TTC7B: variants seen among roughly 807,000 people sequenced by gnomAD.
TTC7B encodes the protein tetratricopeptide repeat protein 7B.
In TTC7B, 28 loss-of-function variants were observed where a neutral mutation model predicts 106.8. That is an observed-to-expected ratio of 0.26 (90% CI 0.19 to 0.36). The LOEUF (loss-of-function observed/expected upper bound fraction) is 0.36, where lower values mean the gene tolerates loss of function less well. Among genes scored for constraint, TTC7B ranks in the 10% least tolerant of loss-of-function variants. The pLI is 1.00. For missense variants in TTC7B, 862 were observed against 1,076.4 expected (o/e 0.80, Z 2.79); for synonymous variants, 405 against 430.6 (o/e 0.94, Z 0.74).
intron 5 of TTC7B, among the ~76,000 whole-genome samples, chr14:90,706,596 G>A (rs1412906929): frequency 6.6e-6 from 1 of 152,154 alleles, no homozygotes; most frequent in Non-Finnish European, 1.5e-5. Flanking sequence ...ATGAACTTAA[G>A]CTCATTTGAT....
intron 14 of TTC7B, 108 bp downstream of exon 14, chr14:90,646,843 G>T: frequency 2.9e-6 from 3 of 1,047,434 alleles, no homozygotes; most frequent in Non-Finnish European, 4.5e-6. Context: ...CTCCAGGTCA[G>T]CCTCAATGGA....
At chr14:90,721,269 G>A (rs75070410) in intron 5 of TTC7B, among the ~76,000 whole-genome samples, 7,069 of 152,108 alleles carry the variant, frequency 0.046, 202 homozygotes, top group Non-Finnish European at 0.06. Flanking sequence ...GCTTTCTGAC[G>A]GCATCAGATC....
In TTC7B at chr14:90,807,933, G is replaced by C. The variant is rs879922667; in HGVS notation, c.121+8242C>G. ...TTTGCAATCTGGATTCTAACAAGCT[G>C]TCTAGAAGTGATTCTTTGATCCAAT... On this transcript the variant is annotated intron_variant, in intron 1 of 19. Coordinates refer to ENST00000328459, the MANE Select transcript of TTC7B (RefSeq NM_001010854.2). The surrounding 1 kb of genome is among the most constrained non-coding windows in gnomAD (Gnocchi z 4.1). Among the ~76,000 whole-genome samples the C allele has an allele frequency of 6.6e-6, 1 of 152,212 alleles. No individual in the cohort carries two copies. Among genetic ancestry groups the C allele is most frequent in the Non-Finnish European group, 1.5e-5 (1 of 68,042 alleles).
At chr14:90,798,221 A>G (rs1352411560) in intron 1 of TTC7B, among the ~76,000 whole-genome samples, 1 of 152,202 alleles carries the variant, frequency 6.6e-6, no homozygotes, top group Non-Finnish European at 1.5e-5. Context: ...TAAGCGTAAG[A>G]GAGCCCAGCC....
At position 90,774,438 on chromosome 14, in the gene TTC7B, G is replaced by A. The variant is rs139391800; in HGVS notation, c.445+6300C>T. On this transcript the variant is annotated intron_variant, in intron 3 of 19. Coordinates refer to ENST00000328459, the MANE Select transcript of TTC7B (RefSeq NM_001010854.2). ...TTGGGCGGTCAGCGCTGCATACACC[G>A]TTTACCCCTCTGCATATGCCTAAGG... Among the ~76,000 whole-genome samples, 11 of 152,302 alleles carry A rather than the reference G, an allele frequency of 7.2e-5. No individual in the cohort carries two copies. The East Asian group carries it at 1.4e-3, about 19-fold the overall frequency.
chr14:90,554,713 G>C (rs1039338104), intron 19 of TTC7B, among the ~76,000 whole-genome samples: 1 of 152,246 alleles, frequency 6.6e-6, no homozygotes, highest in Non-Finnish European at 1.5e-5. Context: ...TTATTGGCAG[G>C]AGGATGAGGG....
At chr14:90,615,929 G>C (rs1417594264) in intron 16 of TTC7B, among the ~76,000 whole-genome samples, 1 of 152,164 alleles carries the variant, frequency 6.6e-6, no homozygotes, top group East Asian at 1.9e-4. Flanking sequence ...ACACTGCCTG[G>C]AGCCAGGGTC....
At chr14:90,812,654 T>C (rs1049733280) in intron 1 of TTC7B, among the ~76,000 whole-genome samples, 3 of 148,260 alleles carry the variant, frequency 2.0e-5, no homozygotes, top group Non-Finnish European at 3.0e-5. Context: ...TAGGTGACCA[T>C]TCTCTCAGTG....
intron 5 of TTC7B, among the ~76,000 whole-genome samples, chr14:90,723,535 C>G (rs1008652659): frequency 6.6e-6 from 1 of 152,168 alleles, no homozygotes; most frequent in African/African-American, 2.4e-5. Context: ...CTTGAACACT[C>G]CAAGCTCTTT....
chr14:90,549,684 A>G (rs1335006776), intron 19 of TTC7B, among the ~76,000 whole-genome samples: 2 of 152,096 alleles, frequency 1.3e-5, no homozygotes, highest in South Asian at 2.1e-4. Context: ...TCCTAGGCTC[A>G]CCCCAGCAGA....
intron 17 of TTC7B, among the ~76,000 whole-genome samples, chr14:90,602,743 G>C (rs887589787): frequency 6.6e-6 from 1 of 150,930 alleles, no homozygotes; most frequent in Non-Finnish European, 1.5e-5. Context: ...AGGGAATTAA[G>C]CAATTCCTTT....
At chr14:90,786,765 A>G (rs2281601) in intron 1 of TTC7B, among the ~76,000 whole-genome samples, 41,539 of 151,902 alleles carry the variant, frequency 0.27, 9,413 homozygotes, top group African/African-American at 0.63. Flanking sequence ...GTTTTTAGTA[A>G]AAACAGGGTT....
intron 17 of TTC7B, among the ~76,000 whole-genome samples, chr14:90,604,893 C>T (rs753802733): frequency 7.2e-5 from 11 of 152,202 alleles, no homozygotes; most frequent in Non-Finnish European, 1.5e-4. Context: ...GACTAAAATA[C>T]TATTCAATTT....
chr14:90,788,646 T>C (rs1307990258), intron 1 of TTC7B, among the ~76,000 whole-genome samples: 1 of 152,102 alleles, frequency 6.6e-6, no homozygotes, highest in East Asian at 1.9e-4. Flanking sequence ...CAGGAAATAA[T>C]GAAGAACCAT....
chr14:90,696,847 G>A (rs1028756624), intron 5 of TTC7B, among the ~76,000 whole-genome samples: 3 of 152,192 alleles, frequency 2.0e-5, no homozygotes, highest in Non-Finnish European at 2.9e-5. Context: ...TAACAGAGAC[G>A]TGAATAAAGA....
chr14:90,562,272 T>C (rs989128580), intron 19 of TTC7B, among the ~76,000 whole-genome samples: 4 of 152,168 alleles, frequency 2.6e-5, no homozygotes, highest in African/African-American at 9.7e-5. Context: ...GAAGGCATCT[T>C]ACCCAACCAG....
In TTC7B at chr14:90,692,933, G is replaced by C. The variant is rs747972526; in HGVS notation, c.777+2567C>G. Among the ~76,000 whole-genome samples, 269 of 152,174 alleles carry C rather than the reference G, an allele frequency of 1.8e-3. 11 individuals carry two copies. The highest frequency in any genetic ancestry group is 0.017 in the Middle Eastern group (5 of 294). ...GTGATGGCAGGGTGTGTGTGTGTGT[G>C]TGTGAAGTTGTCCATCCTGTCTCAC... On this transcript the variant is annotated intron_variant, in intron 6 of 19. Coordinates refer to ENST00000328459, the MANE Select transcript of TTC7B (RefSeq NM_001010854.2).
At chr14:90,677,387 TA>T (rs372099018) in intron 8 of TTC7B, among the ~76,000 whole-genome samples, 210 of 152,344 alleles carry the variant, frequency 1.4e-3, no homozygotes, top group South Asian at 0.012. Context: ...TCAAACTTAT[TA>T]ATCTCATCTA....
chr14:90,620,881 T>G (rs1468398185), intron 15 of TTC7B, among the ~76,000 whole-genome samples: 1 of 152,210 alleles, frequency 6.6e-6, no homozygotes, highest in Non-Finnish European at 1.5e-5. Flanking sequence ...GATATGGAAT[T>G]GAAAAGGTGT....
Sources: allele counts gnomAD v4.1 joint callset (sites outside exome capture counted in the v4.1 genomes callset), GRCh38; gene constraint gnomAD v4.1.1; non-coding constraint Gnocchi (gnomAD v3.1); transcripts MANE v1.5; gene names NCBI Gene and HGNC (gene_info 2026-07-23, HGNC 2026-07-21).